Variants in PIEZO2 observed in about 807,000 individuals in gnomAD.
The protein encoded by PIEZO2 is piezo-type mechanosensitive ion channel component 2.
PIEZO2 carries 172 observed loss-of-function variants against 337.3 expected under a neutral mutation model. The observed-to-expected ratio is 0.51, with a 90% CI of 0.45 to 0.58. The LOEUF (loss-of-function observed/expected upper bound fraction) is 0.58. Ranked by LOEUF, PIEZO2 falls within the 20% of genes least tolerant of loss-of-function variation. The pLI, the probability that PIEZO2 is intolerant of heterozygous loss-of-function variation, is 0.00. For synonymous variants in PIEZO2, 1,251 were observed against 1,228.5 expected, an observed-to-expected ratio of 1.02 and a Z score of -0.38; for missense variants, 3,028 against 3,391.3, an observed-to-expected ratio of 0.89 and a Z score of 2.66.
rs2036026828 is a variant in PIEZO2 at position 10,716,774 on chromosome 18, G to C, written c.5090-958C>G. 6.6e-6 allele frequency among the ~76,000 whole-genome samples: 1 copy of C among 151,556 alleles called. No homozygotes were observed. The highest frequency in any genetic ancestry group is 2.4e-5 in the African/African-American group (1 of 40,862). The stretch of plus-strand genomic sequence containing the variant: ...GGAAGCTTGGCTCTGGAGGATGAAA[G>C]GCTTGGAGTTACACCCATCAATGAA... On this transcript the variant is annotated intron_variant, in intron 37 of 55. Transcript: ENST00000674853. This position sits in a 1 kb window ranked among gnomAD's most constrained non-coding sequence, Gnocchi z 4.1.
chr18:10,795,667 C>G lies in PIEZO2; in HGVS notation c.1528-665G>C, dbSNP rs2039572207. Among the ~76,000 whole-genome samples, 1 of 152,016 alleles carries G rather than the reference C, an allele frequency of 6.6e-6. No homozygotes were observed. The highest frequency in any genetic ancestry group is 1.5e-5 in the Non-Finnish European group (1 of 68,018). ...TCTCCTCTCACATGTGGCTGTGTTC[C>G]TTACTGGAAACTGAAGTTGAGCATA... On this transcript the variant is annotated intron_variant, in intron 12 of 55. Coordinates refer to ENST00000674853, the MANE Select transcript of PIEZO2 (RefSeq NM_001378183.1). The surrounding 1 kb of genome is among the most constrained non-coding windows in gnomAD (Gnocchi z 4.4).
intron 36 of PIEZO2, among the ~76,000 whole-genome samples, chr18:10,720,234 G>GCGTGTATATATATATATATA (rs1555631512): frequency 8.3e-5 from 10 of 119,914 alleles, no homozygotes; most frequent in African/African-American, 3.3e-4. Context: ...GTGTGTGTGT[G>GCGTGTATATATATATATATA]TATATATATA....
At chr18:11,074,689 C>A (rs998110149) in intron 1 of PIEZO2, among the ~76,000 whole-genome samples, 2 of 152,128 alleles carry the variant, frequency 1.3e-5, no homozygotes, top group African/African-American at 4.8e-5. Flanking sequence ...TTGACTTTGA[C>A]AATTTACAAT....
chr18:10,994,815 C>G (rs2035246178), intron 2 of PIEZO2, among the ~76,000 whole-genome samples: 1 of 151,926 alleles, frequency 6.6e-6, no homozygotes, highest in African/African-American at 2.4e-5. Context: ...GGCACAGTAG[C>G]TCACGCCTGT....
Position 10,775,457 on chromosome 18 carries a change from CG to C in PIEZO2, c.2535-1420del, listed in dbSNP as rs1568043332. ...GATACCTTTATTAAGACAAGGAATT[CG>C]GTGGTTGCAGTGTGAGGTGGGACCA... On this transcript the variant is annotated intron_variant, in intron 18 of 55. Coordinates refer to ENST00000674853, the MANE Select transcript of PIEZO2 (RefSeq NM_001378183.1). The surrounding 1 kb of genome is among the most constrained non-coding windows in gnomAD (Gnocchi z 4.3). Among the ~76,000 whole-genome samples the C allele has an allele frequency of 6.6e-6, 1 of 152,086 alleles. No homozygotes were observed. The highest frequency in any genetic ancestry group is 2.4e-5 in the African/African-American group (1 of 41,404).
At chr18:11,015,066 G>A (rs2145682094) in intron 2 of PIEZO2, among the ~76,000 whole-genome samples, 1 of 133,050 alleles carries the variant, frequency 7.5e-6, no homozygotes, top group South Asian at 2.4e-4. Flanking sequence ...TCAGTGTGGG[G>A]AAGATGTCAC....
At chr18:10,997,751 G>C (rs1290981149) in intron 2 of PIEZO2, among the ~76,000 whole-genome samples, 1 of 152,014 alleles carries the variant, frequency 6.6e-6, no homozygotes, top group Non-Finnish European at 1.5e-5. Flanking sequence ...ATTGAAAAAA[G>C]TTAATAAAAC....
intron 2 of PIEZO2, among the ~76,000 whole-genome samples, chr18:11,040,624 C>A (rs575890785): frequency 6.6e-6 from 1 of 152,230 alleles, no homozygotes; most frequent in Admixed American, 6.5e-5. Flanking sequence ...GATCTATGTA[C>A]CTGCATATTA....
Position 10,794,399 on chromosome 18 carries a change from G to A in PIEZO2, c.1758+373C>T, listed in dbSNP as rs1307502586. 1.3e-5 allele frequency among the ~76,000 whole-genome samples: 2 copies of A among 152,130 alleles called. No individual in the cohort carries two copies. The highest frequency in any genetic ancestry group is 2.4e-5 in the African/African-American group (1 of 41,432). On this transcript the variant is annotated intron_variant, in intron 13 of 55. Coordinates refer to ENST00000674853, the MANE Select transcript of PIEZO2 (RefSeq NM_001378183.1). The surrounding 1 kb of genome is among the most constrained non-coding windows in gnomAD (Gnocchi z 6.6). ...CTTATCTGTGACACTAATGCACTAA[G>A]CATGTTTTATAAAATGATAATCAAA...
At chr18:10,849,645 A>G (rs2144659922) in intron 7 of PIEZO2, among the ~76,000 whole-genome samples, 1 of 152,302 alleles carries the variant, frequency 6.6e-6, no homozygotes, top group East Asian at 1.9e-4. Flanking sequence ...GAGGATATGC[A>G]CACCTCGAGC....
In PIEZO2 at chr18:10,689,648, T is replaced by G. The variant is rs778627121; in HGVS notation, c.7497+7A>C. 2 of 1,614,196 alleles carry G rather than the reference T, an allele frequency of 1.2e-6. No individual in the cohort carries two copies. The highest frequency in any genetic ancestry group is 2.2e-5 in the South Asian group (2 of 91,080). ...ACAGGAATAAGGCACATCTCCTGGC[T>G]TCTTACCTTCTCCGACTCCCGCCAA... On this transcript the variant is annotated splice_region_variant and intron_variant, in intron 49 of 55. Transcript: ENST00000674853.
chr18:10,780,371 G>T lies in PIEZO2; in HGVS notation c.2493-5C>A, dbSNP rs1217265699. 8.5e-6 allele frequency: 6 copies of T among 702,914 alleles called. No homozygotes were observed. The highest frequency in any genetic ancestry group is 1.6e-5 in the Non-Finnish European group (6 of 384,976). 43.5% of individuals were successfully genotyped at this position (702,914 alleles called of 1,614,324 possible). On this transcript the variant is annotated splice_region_variant and splice_polypyrimidine_tract_variant and intron_variant, in intron 17 of 55. Transcript: ENST00000674853. ...CGACCATTGACTTTGGCATGGCTAC[G>T]AGGTGGCAGACGGAAGCACAGGGAT...
chr18:11,146,336 G>A lies in PIEZO2; in HGVS notation c.64+2189C>T, dbSNP rs2040811347. Among the ~76,000 whole-genome samples, 1 of 152,156 alleles carries A rather than the reference G, an allele frequency of 6.6e-6. No individual in the cohort carries two copies. The highest frequency in any genetic ancestry group is 2.4e-5 in the African/African-American group (1 of 41,454). On this transcript the variant is annotated intron_variant, in intron 1 of 55. Coordinates refer to ENST00000674853, the MANE Select transcript of PIEZO2 (RefSeq NM_001378183.1). This position sits in a 1 kb window ranked among gnomAD's most constrained non-coding sequence, Gnocchi z 6.1. ...AGCGGGAGCCCCCAGCCTGCCCTGG[G>A]GCACAAGCCAGCCAGCAGGAGGTGA...
rs757530605 is a variant in PIEZO2, at chr18:10,696,059, T to A, written c.7190+15A>T. 6 of 1,607,974 alleles carry A rather than the reference T, an allele frequency of 3.7e-6. No homozygotes were observed. The Admixed American group carries it at 1.0e-4, about 27-fold the overall frequency. ...ATGGAGGCAGGTTGGTGCCTCTGGC[T>A]TCTGAAGACCTTACCTCTCAGTCAC... On this transcript the variant is annotated intron_variant, in intron 47 of 55. Transcript: ENST00000674853.
chr18:10,746,537 C>T lies in PIEZO2; in HGVS notation c.4424+1934G>A, dbSNP rs529207031. 2.6e-5 allele frequency among the ~76,000 whole-genome samples: 4 copies of T among 152,306 alleles called. No homozygotes were observed. Among genetic ancestry groups the T allele is most frequent in the Middle Eastern group, 3.4e-3 (1 of 294 alleles). On this transcript the variant is annotated intron_variant, in intron 30 of 55. Coordinates refer to ENST00000674853, the MANE Select transcript of PIEZO2 (RefSeq NM_001378183.1). The surrounding 1 kb of genome is among the most constrained non-coding windows in gnomAD (Gnocchi z 4.2). ...TCCCTTGATGTGACCTCATGGCTCC[C>T]GGAGTGTCTCCTACCATCACACCTG...
chr18:10,691,782 C>CATAT (rs33977962), intron 47 of PIEZO2, among the ~76,000 whole-genome samples: 1 of 96,640 alleles, frequency 1.0e-5, no homozygotes, highest in Non-Finnish European at 2.0e-5. Context: ...CACACACACA[C>CATAT]ATATATATAT....
intron 5 of PIEZO2, among the ~76,000 whole-genome samples, chr18:10,869,462 A>C (rs904174262): frequency 2.0e-5 from 3 of 152,190 alleles, no homozygotes; most frequent in Non-Finnish European, 2.9e-5. Context: ...AACTTAAGTT[A>C]AAAAACAAAC....
At chr18:11,123,464 C>A (rs1029415382) in intron 1 of PIEZO2, among the ~76,000 whole-genome samples, 2 of 152,178 alleles carry the variant, frequency 1.3e-5, no homozygotes, top group Non-Finnish European at 2.9e-5. Flanking sequence ...ACTCTATATT[C>A]ATGTGAAATG....
chr18:10,757,985 C>G lies in PIEZO2; in HGVS notation c.3907G>C (p.Asp1303His), dbSNP rs371703803. ...TCTTGTTACCTGCAGTGAATAAAAT[C>G]TGGCACAGGGTTATGTTGGCTGAAG... ...ASFSQHNPVP[D>H]FIHCRSYLDM... Residue 1303 changes from aspartate (D) to histidine (H), a missense_variant, in exon 27 of 56, where the codon GAT becomes CAT. Transcript: ENST00000674853. 419 of 1,535,436 alleles carry G rather than the reference C, an allele frequency of 2.7e-4. No individual in the cohort carries two copies. The highest frequency in any genetic ancestry group is 1.3e-4 in the Non-Finnish European group (154 of 1,146,246).
Sources: gnomAD v4.1 joint callset for allele counts (sites outside exome capture counted in the v4.1 genomes callset) on GRCh38, gnomAD v4.1.1 for gene constraint, Gnocchi (gnomAD v3.1) non-coding constraint, MANE v1.5 for transcripts, NCBI Gene and HGNC (gene_info 2026-07-23, HGNC 2026-07-21) for gene names.